The following TECTA variants were observed in gnomAD, a reference collection of about 807,000 sequenced individuals.
The protein encoded by TECTA is tectorin alpha.
Under a neutral mutation model 216.8 loss-of-function variants are expected in TECTA, and 128 were observed. The ratio of observed to expected loss-of-function variants is 0.59; its 90% CI spans 0.51 to 0.68. The LOEUF (loss-of-function observed/expected upper bound fraction) is 0.68, where lower values mean the gene tolerates loss of function less well. Among genes scored for constraint, TECTA ranks in the 30% least tolerant of loss-of-function variants. The probability of loss-of-function intolerance (pLI) is 0.00; values close to 1 mark genes in which losing one functional copy is unlikely to be tolerated. For synonymous variants in TECTA, 1,089 were observed against 1,117.1 expected (o/e 0.97, Z 0.50); for missense variants, 2,551 against 2,786.2 (o/e 0.92, Z 1.90).
chr11:121,161,970 T>C, intron 15 of TECTA, 105 bp from the exon 16 acceptor site: 3 of 1,424,374 alleles, frequency 2.1e-6, no homozygotes, highest in Middle Eastern at 2.4e-4. Context: ...AGTGTTGGAA[T>C]TGGCACAATG....
In TECTA at chr11:121,129,709, C is replaced by G; in HGVS notation, c.2439C>G (p.Asn813Lys). The G allele has an allele frequency of 6.2e-7, 1 of 1,614,232 alleles. No homozygotes were observed. The highest frequency in any genetic ancestry group is 8.5e-7 in the Non-Finnish European group (1 of 1,180,036). ...AGCTGGAAATTTATCGAAACAAAAA[C>G]AGTACGACAGTGGAGTCCAAGGGCG... ...SGKLEIYRNK[N>K]STTVESKGVV... The change falls in exon 10 of 24, where the codon AAC (asparagine) becomes AAG (lysine). Residue 813 changes from asparagine (N) to lysine (K), a missense_variant. By Grantham distance (94) the Asn-to-Lys change is moderately conservative. Around this residue, in one of 3 missense-constraint regions of TECTA, gnomAD observed 2,375 missense variants for 2,563.9 expected, o/e 0.93. Coordinates refer to ENST00000392793, the MANE Select transcript of TECTA (RefSeq NM_005422.4).
chr11:121,128,396 A>AT, intron 9 of TECTA, 52 bp downstream of exon 9: 1 of 1,557,804 alleles, frequency 6.4e-7, no homozygotes, highest in Non-Finnish European at 8.7e-7. Flanking sequence ...AGCCAGGAGG[A>AT]GGAGCTCGCC....
Position 121,118,317 on chromosome 11 carries a change from C to T in TECTA, c.802C>T (p.Arg268Trp), listed in dbSNP as rs1365165803. Reference protein sequence around the residue: ...NGCTSRGQFLRRGEVFWDDLN... With the variant: ...NGCTSRGQFLWRGEVFWDDLN... ...TCATTATTCCCCAGGACAATTCCTTCGGCGAGGGGAGGTGTTTTGGGATGA... is the reference window on the plus strand; with the variant it reads ...TCATTATTCCCCAGGACAATTCCTTTGGCGAGGGGAGGTGTTTTGGGATGA... Residue 268 changes from arginine (R) to tryptophan (W), a missense_variant, in exon 7 of 24, where the codon CGG becomes TGG. Coordinates refer to ENST00000392793, the MANE Select transcript of TECTA (RefSeq NM_005422.4). The T allele has an allele frequency of 8.7e-6, 14 of 1,614,012 alleles. No homozygotes were observed. The highest frequency in any genetic ancestry group is 5.3e-5 in the African/African-American group (4 of 74,936).
At chr11:121,104,902 T>A (rs1591434357) in intron 2 of TECTA, among the ~76,000 whole-genome samples, 1 of 152,102 alleles carries the variant, frequency 6.6e-6, no homozygotes, top group East Asian at 1.9e-4. Context: ...CTTATATTCA[T>A]TCAGGAGAAG....
intron 20 of TECTA, among the ~76,000 whole-genome samples, chr11:121,174,508 T>C (rs1273861096): frequency 2.0e-5 from 3 of 152,258 alleles, no homozygotes; most frequent in Non-Finnish European, 2.9e-5. Flanking sequence ...GATTTATGTA[T>C]ATTGAACCAG....
intron 20 of TECTA, among the ~76,000 whole-genome samples, chr11:121,187,430 C>T (rs1424926579): frequency 2.6e-5 from 4 of 152,152 alleles, no homozygotes; most frequent in African/African-American, 7.2e-5. Context: ...GAGTCAGGGG[C>T]CCTTGCCAAC....
intron 15 of TECTA, among the ~76,000 whole-genome samples, chr11:121,161,068 T>C (rs971409732): frequency 6.6e-6 from 1 of 152,234 alleles, no homozygotes; most frequent in Non-Finnish European, 1.5e-5. Flanking sequence ...TCTCCACTTG[T>C]ACAATGGCTC....
intron 4 of TECTA, chr11:121,110,524 G>C (rs1406059881): frequency 6.6e-6 from 1 of 152,212 alleles, no homozygotes; most frequent in African/African-American, 2.4e-5. Context: ...TCGCTAAGAG[G>C]TTCTGTAGAA....
chr11:121,166,593 T>A lies in TECTA; in HGVS notation c.5399T>A (p.Ile1800Asn), dbSNP rs1283753510. The stretch of plus-strand genomic sequence containing the variant: ...GTTCCCACAGACTCACATGACATTA[T>A]CGATGCAGAGGTGACCTGCAAAGCA... ...PPYGNNSHDI[I>N]DAEVTCKAAQ... Residue 1800 changes from isoleucine to asparagine, a missense_variant, in exon 18 of 24, where the codon ATC becomes AAC. By Grantham distance (149) the Ile-to-Asn change is moderately radical. This residue lies in a region of TECTA where 2,375 missense variants were observed against 2,563.9 expected (regional missense o/e 0.93). Transcript: ENST00000392793. 1 of 1,614,094 alleles carries A rather than the reference T, an allele frequency of 6.2e-7. No homozygotes were observed. The highest frequency in any genetic ancestry group is 1.3e-5 in the African/African-American group (1 of 74,930).
In TECTA at chr11:121,127,777, C is replaced by T; in HGVS notation, c.1800C>T (p.Phe600=). ...TGTCCACAGTGCAGTGCCCGAGCTT[C>T]AGCCACTACTCCGTGTGCACAAGCA... ...GCVSTVQCPS[F]SHYSVCTSSC... is the part of the protein sequence containing the mutation. The change falls in exon 9 of 24, where the codon TTC becomes TTT. Residue 600 remains phenylalanine, a synonymous_variant. Coordinates refer to ENST00000392793, the MANE Select transcript of TECTA (RefSeq NM_005422.4). The surrounding 1 kb of genome is among the most constrained non-coding windows in gnomAD (Gnocchi z 5.0). 3.7e-6 allele frequency: 6 copies of T among 1,614,188 alleles called. No individual in the cohort carries two copies. The highest frequency in any genetic ancestry group is 5.1e-6 in the Non-Finnish European group (6 of 1,180,028).
At chr11:121,152,274 C>T (rs1252787510) in intron 12 of TECTA, among the ~76,000 whole-genome samples, 1 of 152,236 alleles carries the variant, frequency 6.6e-6, no homozygotes, top group Non-Finnish European at 1.5e-5. Flanking sequence ...CAAACACACA[C>T]GGTGTACATT....
chr11:121,176,369 T>G, intron 20 of TECTA, among the ~76,000 whole-genome samples: 1 of 148,342 alleles, frequency 6.7e-6, no homozygotes, highest in African/African-American at 2.5e-5. Flanking sequence ...AGGAGCTCTT[T>G]TAGGGCAGGC....
rs771710580 is a variant in TECTA at position 121,118,343 on chromosome 11, C to A, written c.828C>A (p.Asp276Glu). ...FLRRGEVFWD[D>E]LNCTVKCRCL... Reference sequence around the variant, plus strand: ...GGCGAGGGGAGGTGTTTTGGGATGACTTGAACTGCACCGTCAAGTGCCGCT... The same window carrying A: ...GGCGAGGGGAGGTGTTTTGGGATGAATTGAACTGCACCGTCAAGTGCCGCT... The change falls in exon 7 of 24, where the codon GAC becomes GAA. Residue 276 changes from aspartate (D) to glutamate (E), a missense_variant. Asp to Glu is a conservative substitution (Grantham distance 45). This residue lies in a region of TECTA where 2,375 missense variants were observed against 2,563.9 expected (regional missense o/e 0.93). Coordinates refer to ENST00000392793, the MANE Select transcript of TECTA (RefSeq NM_005422.4). The A allele has an allele frequency of 1.9e-6, 3 of 1,614,196 alleles. No individual in the cohort carries two copies. Among genetic ancestry groups the A allele is most frequent in the South Asian group, 2.2e-5 (2 of 91,080 alleles).
At chr11:121,146,630 T>A (rs1946841226) in intron 12 of TECTA, among the ~76,000 whole-genome samples, 1 of 152,254 alleles carries the variant, frequency 6.6e-6, no homozygotes, top group South Asian at 2.1e-4. Context: ...TTCTAGCCTT[T>A]ACTCTGTCTT....
At chr11:121,150,375 GA>G (rs1242627667) in intron 12 of TECTA, among the ~76,000 whole-genome samples, 1 of 152,082 alleles carries the variant, frequency 6.6e-6, no homozygotes, top group Non-Finnish European at 1.5e-5. Flanking sequence ...AGATTAAACA[GA>G]AAAAAATTAA....
Position 121,158,069 on chromosome 11 carries a change from G to A in TECTA, c.4534G>A (p.Val1512Met). 4.3e-6 allele frequency: 7 copies of A among 1,613,812 alleles called. No homozygotes were observed. The highest frequency in any genetic ancestry group is 5.9e-6 in the Non-Finnish European group (7 of 1,180,000). Reference sequence around the variant, plus strand: ...GCGCTTCCCAGCCAACTGCGCCTTCGTGCTGTCCACCATCTGCCAGAAACT... The same window carrying A: ...GCGCTTCCCAGCCAACTGCGCCTTCATGCTGTCCACCATCTGCCAGAAACT... ...FLRFPANCAF[V>M]LSTICQKLPD... Residue 1512 changes from valine (V) to methionine (M), a missense_variant, in exon 14 of 24, where the codon GTG (valine) becomes ATG (methionine). Physicochemically the swap from Val to Met is conservative, Grantham distance 21 (BLOSUM62 1). This residue lies in a region of TECTA where 2,375 missense variants were observed against 2,563.9 expected (regional missense o/e 0.93). Transcript: ENST00000392793.
chr11:121,135,453 A>G (rs1280628544), intron 10 of TECTA, among the ~76,000 whole-genome samples: 2 of 152,266 alleles, frequency 1.3e-5, no homozygotes, highest in African/African-American at 4.8e-5. Flanking sequence ...ATCTGCAGTC[A>G]GTGTTAGAAC....
intron 20 of TECTA, among the ~76,000 whole-genome samples, chr11:121,181,010 A>G (rs1947222979): frequency 6.6e-6 from 1 of 152,012 alleles, no homozygotes; most frequent in Non-Finnish European, 1.5e-5. Flanking sequence ...TACTAAAAAT[A>G]CAAAAAATTA....
Position 121,102,729 on chromosome 11 carries a change from G to A in TECTA, c.64G>A (p.Ala22Thr). The A allele has an allele frequency of 6.2e-7, 1 of 1,613,046 alleles. No individual in the cohort carries two copies. The highest frequency in any genetic ancestry group is 8.5e-7 in the Non-Finnish European group (1 of 1,179,150). ...SFIFALVQHQ[A>T]QPRELMYPFW... is the part of the protein sequence containing the mutation. Reference sequence around the variant, plus strand: ...CATCTTCGCACTTGTACAGCACCAAGGTGAGTACTACAGAATTCCATAAAG... The same window carrying A: ...CATCTTCGCACTTGTACAGCACCAAAGTGAGTACTACAGAATTCCATAAAG... Residue 22 changes from alanine (A) to threonine (T), a missense_variant and splice_region_variant, in exon 2 of 24, where the codon GCT becomes ACT. Physicochemically the swap from Ala to Thr is moderately conservative, Grantham distance 58. Around this residue, in one of 3 missense-constraint regions of TECTA, gnomAD observed 2,375 missense variants for 2,563.9 expected, o/e 0.93. Coordinates refer to ENST00000392793, the MANE Select transcript of TECTA (RefSeq NM_005422.4).
Sources: allele counts gnomAD v4.1 joint callset (sites outside exome capture counted in the v4.1 genomes callset), GRCh38; gene constraint gnomAD v4.1.1; regional missense constraint gnomAD v4.1.1; non-coding constraint Gnocchi (gnomAD v3.1); transcripts MANE v1.5; gene names NCBI Gene and HGNC (gene_info 2026-07-23, HGNC 2026-07-21).